Variants in LRRC70 observed in about 807,000 individuals in gnomAD.
The protein encoded by LRRC70 is leucine rich repeat containing 70, also known as leucine-rich repeat-containing protein 70.
Under a neutral mutation model 42.4 loss-of-function variants are expected in LRRC70, and 31 were observed. The observed-to-expected ratio is 0.73, with a 90% CI of 0.55 to 0.99. The LOEUF is 0.99. LRRC70 is among the 50% of genes least tolerant of loss of function. LRRC70 has a pLI of 0.00. For synonymous variants in LRRC70, 270 were observed against 262.9 expected, an observed-to-expected ratio of 1.03 and a Z score of -0.26; for missense variants, 643 against 707.5, an observed-to-expected ratio of 0.91 and a Z score of 1.03.
rs1326406495 is a variant in LRRC70 at position 62,581,349 on chromosome 5, C to T, written c.*42C>T. On this transcript the variant is annotated 3_prime_UTR_variant, in exon 2 of 2. Transcript: ENST00000334994. ...CTATAAGAAACTTCAGTGCCATGGA[C>T]ATGATTTAAACTGAAACCTCCTTAT... 2 of 1,414,076 alleles carry T rather than the reference C, an allele frequency of 1.4e-6. No homozygotes were observed. Among genetic ancestry groups the T allele is most frequent in the East Asian group, 2.6e-5 (1 of 39,036 alleles). 87.6% of individuals were successfully genotyped at this position (1,414,076 alleles called of 1,614,324 possible). A position where few individuals can be genotyped will look rare whatever the true frequency, so the allele number is the denominator to read the frequency against.
Position 62,580,653 on chromosome 5 carries a change from T to G in LRRC70, c.1215T>G (p.Val405=). 6.4e-7 allele frequency: 1 copy of G among 1,551,502 alleles called. No homozygotes were observed. The highest frequency in any genetic ancestry group is 8.7e-7 in the Non-Finnish European group (1 of 1,146,860). ...GTTATATTAACATTACAAATTGTGT[T>G]ACATCTTCAATAAATGTATCCAGAG... is the stretch of plus-strand genomic sequence containing the variant. The part of the protein sequence containing the change: ...ALRYINITNC[V]TSSINVSRAW... Residue 405 remains valine, a synonymous_variant, in exon 2 of 2, where the codon GTT becomes GTG. Transcript: ENST00000334994.
In LRRC70 at chr5:62,579,735, A is replaced by G. The variant is rs748109186; in HGVS notation, c.297A>G (p.Val99=). 2 of 1,547,944 alleles carry G rather than the reference A, an allele frequency of 1.3e-6. No individual in the cohort carries two copies. Among genetic ancestry groups the G allele is most frequent in the African/African-American group, 1.4e-5 (1 of 72,918 alleles). Residue 99 remains valine (V), a synonymous_variant, in exon 2 of 2, where the codon GTA becomes GTG. Coordinates refer to ENST00000334994, the MANE Select transcript of LRRC70 (RefSeq NM_181506.5). The stretch of plus-strand genomic sequence containing the variant: ...TGGATAATTCTAACATTCTGTATGT[A>G]TATCCAAAAGCCTTTGTTCAATTGA... ...LYLDNSNILY[V]YPKAFVQLRH... is the part of the protein sequence containing the mutation.
Position 62,579,508 on chromosome 5 carries a change from T to G in LRRC70, c.70T>G (p.Leu24Val), listed in dbSNP as rs909496986. 6.4e-7 allele frequency: 1 copy of G among 1,550,916 alleles called. No homozygotes were observed. Among genetic ancestry groups the G allele is most frequent in the Non-Finnish European group, 8.7e-7 (1 of 1,146,542 alleles). Residue 24 changes from leucine to valine, a missense_variant, in exon 2 of 2, where the codon TTA becomes GTA. Leu to Val is a conservative substitution (Grantham distance 32). Coordinates refer to ENST00000334994, the MANE Select transcript of LRRC70 (RefSeq NM_181506.5). ...FLVVTCYLLLLLHKEILGCSS... is the reference protein window; with the variant it reads ...FLVVTCYLLLVLHKEILGCSS... Reference sequence around the variant, plus strand: ...GGTTGTTACCTGTTATCTTTTATTATTACTCCACAAAGAAATACTTGGATG... The same window carrying G: ...GGTTGTTACCTGTTATCTTTTATTAGTACTCCACAAAGAAATACTTGGATG...
At chr5:62,579,285 A>G (rs1321300205) in intron 1 of LRRC70, 116 bp from the exon 2 acceptor site, 5 of 708,400 alleles carry the variant, frequency 7.1e-6, no homozygotes, top group Non-Finnish European at 2.4e-6. Context: ...GGTATGATTT[A>G]TGATAGTATT....
At position 62,580,897 on chromosome 5, in the gene LRRC70, C is replaced by T; in HGVS notation, c.1459C>T (p.Gln487Ter). The T allele has an allele frequency of 6.4e-7, 1 of 1,551,376 alleles. No homozygotes were observed. Among genetic ancestry groups the T allele is most frequent in the Non-Finnish European group, 8.7e-7 (1 of 1,146,854 alleles). The change falls in exon 2 of 2, where the codon CAA (glutamine) becomes TAA (stop). Residue 487 changes from glutamine (Q) to a stop codon, truncating the protein, a stop_gained. Transcript: ENST00000334994. LOFTEE classifies it high-confidence loss of function. ...ETTAVLPVQI[Q>*]LTTSVTLNLE... ...TACAGCAGTGTTACCTGTGCAAATA[C>T]AACTTACTACTTCTGTTACCTTGAA...
At position 62,579,548 on chromosome 5, in the gene LRRC70, A is replaced by C; in HGVS notation, c.110A>C (p.Gln37Pro). 6.4e-7 allele frequency: 1 copy of C among 1,551,112 alleles called. No individual in the cohort carries two copies. Among genetic ancestry groups the C allele is most frequent in the African/African-American group, 1.4e-5 (1 of 73,118 alleles). ...KEILGCSSVCQLCTGRQINCR... is the reference protein window; with the variant it reads ...KEILGCSSVCPLCTGRQINCR... ...ATACTTGGATGTTCGTCTGTTTGTCAGCTCTGCACTGGGAGACAAATTAAC... is the reference window on the plus strand; with the variant it reads ...ATACTTGGATGTTCGTCTGTTTGTCCGCTCTGCACTGGGAGACAAATTAAC... The change falls in exon 2 of 2, where the codon CAG becomes CCG. Residue 37 changes from glutamine to proline, a missense_variant. Coordinates refer to ENST00000334994, the MANE Select transcript of LRRC70 (RefSeq NM_181506.5).
chr5:62,580,030 TCAGG>T lies in LRRC70; in HGVS notation c.594_597del (p.Gly199PhefsTer12). The T allele has an allele frequency of 1.3e-6, 2 of 1,551,290 alleles. No homozygotes were observed. Among genetic ancestry groups the T allele is most frequent in the Non-Finnish European group, 1.7e-6 (2 of 1,146,748 alleles). Reference sequence around the variant, plus strand: ...CAATAACATTTTGAGGATATCAGAATCAGGCTTTCAACATCTTGAAAACCTTGCT... The same window carrying T: ...CAATAACATTTTGAGGATATCAGAATCTTTCAACATCTTGAAAACCTTGCT... On this transcript the variant is annotated frameshift_variant, in exon 2 of 2. Transcript: ENST00000334994. LOFTEE classifies it high-confidence loss of function.
chr5:62,579,802 C>T lies in LRRC70; in HGVS notation c.364C>T (p.Arg122Cys), dbSNP rs771118373. ...FLFLNNNFIKRLDPGIFKGLL... is the reference protein window; with the variant it reads ...FLFLNNNFIKCLDPGIFKGLL... ...ATTTCTAAATAATAATTTCATCAAA[C>T]GCTTAGATCCTGGAATATTTAAGGG... Residue 122 changes from arginine (R) to cysteine (C), a missense_variant, in exon 2 of 2, where the codon CGC (arginine) becomes TGC (cysteine). Transcript: ENST00000334994. The T allele has an allele frequency of 5.1e-5, 78 of 1,543,994 alleles. 1 individual carries two copies. The highest frequency in any genetic ancestry group is 3.6e-4 in the Admixed American group (18 of 50,490).
Position 62,581,412 on chromosome 5 carries a change from A to G in LRRC70, c.*105A>G. ...TTTAGTTGGAAATATAATGAATTAT[A>G]TGAGGTTAGCATTATTAAAATATGT... On this transcript the variant is annotated 3_prime_UTR_variant, in exon 2 of 2. Transcript: ENST00000334994. The G allele has an allele frequency of 7.9e-6, 7 of 886,506 alleles. No individual in the cohort carries two copies. Among genetic ancestry groups the G allele is most frequent in the South Asian group, 6.4e-5 (3 of 47,014 alleles). 54.9% of individuals were successfully genotyped at this position (886,506 alleles called of 1,614,324 possible).
Position 62,580,353 on chromosome 5 carries a change from TAA to T in LRRC70, c.916_917del (p.Lys306ValfsTer3). On this transcript the variant is annotated frameshift_variant, in exon 2 of 2. Coordinates refer to ENST00000334994, the MANE Select transcript of LRRC70 (RefSeq NM_181506.5). LOFTEE classifies it high-confidence loss of function. ...GTTTGTTAAAGAATTTAATTTACCTTAAGTTAGATAGAAACAGAATAATTAGC... is the reference window on the plus strand; with the variant it reads ...GTTTGTTAAAGAATTTAATTTACCTTGTTAGATAGAAACAGAATAATTAGC... ...FSLLKNLIYL[K>X]LDRNRIISID... is the part of the protein sequence containing the mutation. 6.5e-7 allele frequency: 1 copy of T among 1,544,782 alleles called. No individual in the cohort carries two copies. The highest frequency in any genetic ancestry group is 8.8e-7 in the Non-Finnish European group (1 of 1,140,798).
At position 62,580,390 on chromosome 5, in the gene LRRC70, G is replaced by A. The variant is rs749566591; in HGVS notation, c.952G>A (p.Asp318Asn). 2 of 1,549,808 alleles carry A rather than the reference G, an allele frequency of 1.3e-6. No homozygotes were observed. The highest frequency in any genetic ancestry group is 1.7e-6 in the Non-Finnish European group (2 of 1,145,402). The change falls in exon 2 of 2, where the codon GAT becomes AAT. Residue 318 changes from aspartate to asparagine, a missense_variant. Asp to Asn is a conservative substitution (Grantham distance 23, BLOSUM62 1). Coordinates refer to ENST00000334994, the MANE Select transcript of LRRC70 (RefSeq NM_181506.5). ...AAACAGAATAATTAGCATTGATAAT[G>A]ATACATTTGAAAATATGGGAGCATC... is the stretch of plus-strand genomic sequence containing the variant. ...DRNRIISIDN[D>N]TFENMGASLK...
Position 62,580,154 on chromosome 5 carries a change from C to T in LRRC70, c.716C>T (p.Pro239Leu). ...AGAAGACTTTCTTTGTCTCATAATC[C>T]TATTGAAGCAATACAGCCCTTTGCA... is the stretch of plus-strand genomic sequence containing the variant. Reference protein sequence around the residue: ...SLRRLSLSHNPIEAIQPFAFK... With the variant: ...SLRRLSLSHNLIEAIQPFAFK... The change falls in exon 2 of 2, where the codon CCT becomes CTT. Residue 239 changes from proline to leucine, a missense_variant. Pro to Leu is a moderately conservative substitution (Grantham distance 98, BLOSUM62 -3). Coordinates refer to ENST00000334994, the MANE Select transcript of LRRC70 (RefSeq NM_181506.5). 1 of 1,551,070 alleles carries T rather than the reference C, an allele frequency of 6.4e-7. No individual in the cohort carries two copies. Among genetic ancestry groups the T allele is most frequent in the Non-Finnish European group, 8.7e-7 (1 of 1,146,602 alleles).
chr5:62,580,476 GC>G lies in LRRC70; in HGVS notation c.1040del (p.Pro347ArgfsTer5). On this transcript the variant is annotated frameshift_variant, in exon 2 of 2. Coordinates refer to ENST00000334994, the MANE Select transcript of LRRC70 (RefSeq NM_181506.5). LOFTEE classifies it high-confidence loss of function. Reference protein sequence around the residue: ...LTALHPRVLKPLSSLIHLQAN... With the variant: ...LTALHPRVLKXLSSLIHLQAN... The stretch of plus-strand genomic sequence containing the variant: ...CAGCCTTGCATCCAAGGGTCCTTAA[GC>G]CGTTGTCTTCATTGATTCATCTTCA... The G allele has an allele frequency of 2.6e-6, 4 of 1,551,374 alleles. No homozygotes were observed. Among genetic ancestry groups the G allele is most frequent in the Non-Finnish European group, 3.5e-6 (4 of 1,146,810 alleles).
chr5:62,579,166 G>C (rs527919308), intron 1 of LRRC70, among the ~76,000 whole-genome samples: 1 of 152,056 alleles, frequency 6.6e-6, no homozygotes, highest in African/African-American at 2.4e-5. Flanking sequence ...AGTTAACTTA[G>C]CAAATGTTTC....
At position 62,579,796 on chromosome 5, in the gene LRRC70, A is replaced by G; in HGVS notation, c.358A>G (p.Ile120Val). ...LYFLFLNNNF[I>V]KRLDPGIFKG... is the part of the protein sequence containing the mutation. Reference sequence around the variant, plus strand: ...TTTTCTATTTCTAAATAATAATTTCATCAAACGCTTAGATCCTGGAATATT... The same window carrying G: ...TTTTCTATTTCTAAATAATAATTTCGTCAAACGCTTAGATCCTGGAATATT... Residue 120 changes from isoleucine to valine, a missense_variant, in exon 2 of 2, where the codon ATC becomes GTC. Coordinates refer to ENST00000334994, the MANE Select transcript of LRRC70 (RefSeq NM_181506.5). 1 of 1,544,106 alleles carries G rather than the reference A, an allele frequency of 6.5e-7. No homozygotes were observed. The highest frequency in any genetic ancestry group is 8.8e-7 in the Non-Finnish European group (1 of 1,142,236).
rs967644526 is a variant in LRRC70, at chr5:62,581,072, T to G, written c.1634T>G (p.Leu545Trp). ...FILACVLIIF[L>W]IYKVVQFKQK... Reference sequence around the variant, plus strand: ...TTAGCTTGTGTTTTAATCATTTTTTTGATCTACAAAGTTGTTCAGTTTAAA... The same window carrying G: ...TTAGCTTGTGTTTTAATCATTTTTTGGATCTACAAAGTTGTTCAGTTTAAA... The change falls in exon 2 of 2, where the codon TTG becomes TGG. Residue 545 changes from leucine to tryptophan, a missense_variant. Transcript: ENST00000334994. The G allele has an allele frequency of 2.6e-6, 4 of 1,549,654 alleles. No homozygotes were observed. The highest frequency in any genetic ancestry group is 3.5e-6 in the Non-Finnish European group (4 of 1,146,464).
chr5:62,580,886 C>T lies in LRRC70; in HGVS notation c.1448C>T (p.Pro483Leu). Residue 483 changes from proline to leucine, a missense_variant, in exon 2 of 2, where the codon CCT (proline) becomes CTT (leucine). By Grantham distance (98) the Pro-to-Leu change is moderately conservative. Coordinates refer to ENST00000334994, the MANE Select transcript of LRRC70 (RefSeq NM_181506.5). Reference sequence around the variant, plus strand: ...CCATTAGAGACTACAGCAGTGTTACCTGTGCAAATACAACTTACTACTTCT... The same window carrying T: ...CCATTAGAGACTACAGCAGTGTTACTTGTGCAAATACAACTTACTACTTCT... ...GNPLETTAVL[P>L]VQIQLTTSVT... is the part of the protein sequence containing the mutation. 3 of 1,551,336 alleles carry T rather than the reference C, an allele frequency of 1.9e-6. No individual in the cohort carries two copies. The highest frequency in any genetic ancestry group is 2.6e-6 in the Non-Finnish European group (3 of 1,146,856).
Position 62,580,659 on chromosome 5 carries a change from T to G in LRRC70, c.1221T>G (p.Ser407=), listed in dbSNP as rs1744515458. The change falls in exon 2 of 2, where the codon TCT becomes TCG. Residue 407 remains serine (S), a synonymous_variant. Coordinates refer to ENST00000334994, the MANE Select transcript of LRRC70 (RefSeq NM_181506.5). ...TTAACATTACAAATTGTGTTACATC[T>G]TCAATAAATGTATCCAGAGCTTGGG... ...RYINITNCVT[S]SINVSRAWAV... The G allele has an allele frequency of 1.3e-6, 2 of 1,551,508 alleles. No individual in the cohort carries two copies. Among genetic ancestry groups the G allele is most frequent in the Non-Finnish European group, 1.7e-6 (2 of 1,146,856 alleles).
At position 62,580,089 on chromosome 5, in the gene LRRC70, A is replaced by G. The variant is rs1744489938; in HGVS notation, c.651A>G (p.Thr217=). The change falls in exon 2 of 2, where the codon ACA becomes ACG. Residue 217 remains threonine (T), a synonymous_variant. Transcript: ENST00000334994. ...TGTATTTAGGAAGTAATAATTTAAC[A>G]AAAGTACCATCAAATGCCTTTGAAG... is the stretch of plus-strand genomic sequence containing the variant. The part of the protein sequence containing the change: ...ACLYLGSNNL[T]KVPSNAFEVL... 2 of 1,551,124 alleles carry G rather than the reference A, an allele frequency of 1.3e-6. No homozygotes were observed. The highest frequency in any genetic ancestry group is 1.7e-6 in the Non-Finnish European group (2 of 1,146,636).
Sources: allele counts gnomAD v4.1 joint callset (sites outside exome capture counted in the v4.1 genomes callset), GRCh38; gene constraint gnomAD v4.1.1; transcripts MANE v1.5; gene names NCBI Gene and HGNC (gene_info 2026-07-23, HGNC 2026-07-21).